Variants in SKP2 observed in about 807,000 individuals in gnomAD.
SKP2 encodes S-phase kinase associated protein 2.
A neutral mutation model predicts 51.8 loss-of-function variants in SKP2; 16 were observed. The ratio of observed to expected loss-of-function variants is 0.31; its 90% CI spans 0.21 to 0.47. The LOEUF (loss-of-function observed/expected upper bound fraction) is 0.47, where lower values mean the gene tolerates loss of function less well. Among genes scored for constraint, SKP2 ranks in the 20% least tolerant of loss-of-function variants. The pLI is 1.00. For missense variants in SKP2, 377 were observed against 505.3 expected, an observed-to-expected ratio of 0.75 and a Z score of 2.43; for synonymous variants, 176 against 198.6, an observed-to-expected ratio of 0.89 and a Z score of 0.96.
downstream of SKP2, among the ~76,000 whole-genome samples, chr5:36,189,116 A>T (rs1032700904): frequency 1.3e-5 from 2 of 152,184 alleles, no homozygotes; most frequent in African/African-American, 4.8e-5. Context: ...TATTCTAGTT[A>T]GCCATTCGTC....
chr5:36,173,207 T>C (rs116030027), intron 7 of SKP2, among the ~76,000 whole-genome samples: 30 of 152,296 alleles, frequency 2.0e-4, no homozygotes, highest in Non-Finnish European at 2.4e-4. Context: ...ATATATGCAG[T>C]TGATCAGAAT....
intron 3 of SKP2, among the ~76,000 whole-genome samples, chr5:36,165,484 A>T (rs1745254527): frequency 6.6e-6 from 1 of 152,236 alleles, no homozygotes; most frequent in Non-Finnish European, 1.5e-5. Context: ...GGAAACATCA[A>T]GCATGAGATT....
At chr5:36,192,765 G>C (rs912270001) in intron 7 of SKP2, 1 of 152,116 alleles carries the variant, frequency 6.6e-6, no homozygotes, top group African/African-American at 2.4e-5. Context: ...GAAGTCAACA[G>C]GGCACAGAAT....
chr5:36,153,696 A>T (rs1382376046), intron 2 of SKP2, among the ~76,000 whole-genome samples: 4 of 152,202 alleles, frequency 2.6e-5, no homozygotes, highest in Middle Eastern at 3.4e-3. Flanking sequence ...TGCCTGAACT[A>T]TTGGAGTGGA....
Position 36,184,209 on chromosome 5 carries a change from TAAAAA to T in SKP2, c.*2184_*2188del, listed in dbSNP as rs201881807. On this transcript the variant is annotated 3_prime_UTR_variant, in exon 10 of 10. Transcript: ENST00000274255. ...CATCTACTTCATATGCTTGTCACATTAAAAAAAAAAGTTTATAATGCCTTTATAAA... is the reference window on the plus strand; with the variant it reads ...CATCTACTTCATATGCTTGTCACATTAAAAAGTTTATAATGCCTTTATAAA... The T allele has an allele frequency of 9.5e-5, 32 of 336,616 alleles. No individual in the cohort carries two copies. The South Asian group carries it at 2.4e-3, about 25-fold the overall frequency. 20.9% of individuals were successfully genotyped at this position (336,616 alleles called of 1,614,324 possible).
Position 36,152,886 on chromosome 5 carries a change from G to C in SKP2, c.124G>C (p.Glu42Gln). ...LLSGMGVSAL[E>Q]KEEPDSENIP... ...GTCAGGCATGGGGGTCTCCGCCCTG[G>C]AGAAAGAGGAGCCCGACAGTGAGAA... The change falls in exon 2 of 10, where the codon GAG becomes CAG. Residue 42 changes from glutamate (E) to glutamine (Q), a missense_variant. Glu to Gln is a conservative substitution (Grantham distance 29). This residue lies in a region of SKP2 where 115 missense variants were observed against 115.5 expected (regional missense o/e 1.00). Transcript: ENST00000274255. 1 of 1,614,128 alleles carries C rather than the reference G, an allele frequency of 6.2e-7. No individual in the cohort carries two copies. Among genetic ancestry groups the C allele is most frequent in the Non-Finnish European group, 8.5e-7 (1 of 1,180,036 alleles).
At chr5:36,173,655 C>CA (rs1579568929) in intron 7 of SKP2, among the ~76,000 whole-genome samples, 4 of 152,118 alleles carry the variant, frequency 2.6e-5, no homozygotes, top group Admixed American at 2.6e-4. Flanking sequence ...CAAGAAAGAA[C>CA]AGAGAGCCTG....
intron 9 of SKP2, among the ~76,000 whole-genome samples, chr5:36,180,731 T>C (rs1745779886): frequency 6.6e-6 from 1 of 152,168 alleles, no homozygotes; most frequent in Non-Finnish European, 1.5e-5. Flanking sequence ...GAAATTGGTA[T>C]ATAGAATAGG....
chr5:36,156,503 T>G (rs558121185), intron 2 of SKP2, among the ~76,000 whole-genome samples: 1 of 152,312 alleles, frequency 6.6e-6, no homozygotes, highest in South Asian at 2.1e-4. Context: ...TCTGGGAAGA[T>G]GAAAGCTCTG....
intron 2 of SKP2, among the ~76,000 whole-genome samples, chr5:36,153,446 T>C (rs563354258): frequency 6.6e-6 from 1 of 152,284 alleles, no homozygotes; most frequent in South Asian, 2.1e-4. Flanking sequence ...TAGTTATTTA[T>C]CAGTGGACTG....
Position 36,168,306 on chromosome 5 carries a change from TG to T in SKP2, c.537-6del. The T allele has an allele frequency of 6.2e-7, 1 of 1,612,882 alleles. No homozygotes were observed. The highest frequency in any genetic ancestry group is 2.2e-5 in the East Asian group (1 of 44,860). ...CTATGGAGCTCCTTTTTTCTCTCCG[TG>T]TTTAGCCCTTTTCGTGTACAGCACA... is the stretch of plus-strand genomic sequence containing the variant. On this transcript the variant is annotated splice_polypyrimidine_tract_variant and splice_region_variant and intron_variant, in intron 4 of 9. Coordinates refer to ENST00000274255, the MANE Select transcript of SKP2 (RefSeq NM_005983.4).
chr5:36,166,708 G>T, intron 4 of SKP2, 46 bp downstream of exon 4: 2 of 1,430,478 alleles, frequency 1.4e-6, no homozygotes, highest in Non-Finnish European at 2.0e-6. Flanking sequence ...AAATTTCGAG[G>T]TAGAAACAGA....
chr5:36,188,193 T>C (rs188909998), downstream of SKP2, among the ~76,000 whole-genome samples: 230 of 152,350 alleles, frequency 1.5e-3, no homozygotes, highest in African/African-American at 5.1e-3. Context: ...AATTTGCCAG[T>C]CCGTGTCTGT....
intron 1 of SKP2, 116 bp from the exon 2 acceptor site, chr5:36,152,655 C>G: frequency 9.2e-7 from 1 of 1,092,430 alleles, no homozygotes; most frequent in South Asian, 1.6e-5. Context: ...AAATGCGATT[C>G]TGTTAGCTGC....
chr5:36,177,313 A>C lies in SKP2; in HGVS notation c.1061+21A>C, dbSNP rs773976667. 7.1e-6 allele frequency: 10 copies of C among 1,402,798 alleles called. No homozygotes were observed. The East Asian group carries it at 2.3e-4, about 32-fold the overall frequency. The allele number at this position is 1,402,798 out of a possible 1,614,324, so 86.9% of individuals were successfully genotyped here. A position where few individuals can be genotyped will look rare whatever the true frequency, so the allele number is the denominator to read the frequency against. On this transcript the variant is annotated intron_variant, in intron 9 of 9. Transcript: ENST00000274255. The stretch of plus-strand genomic sequence containing the variant: ...TTACTGTAAGTATGTTTTGTTTTTA[A>C]TGCTTAATAGAAGGCAGGAAACAAC...
intron 6 of SKP2, among the ~76,000 whole-genome samples, chr5:36,189,663 G>T (rs1745987755): frequency 6.6e-6 from 1 of 152,220 alleles, no homozygotes; most frequent in Non-Finnish European, 1.5e-5. Flanking sequence ...GCTGCTCGGG[G>T]GTCAGGGACC....
intron 2 of SKP2, among the ~76,000 whole-genome samples, chr5:36,161,643 C>G (rs955912239): frequency 1.3e-5 from 2 of 152,278 alleles, no homozygotes; most frequent in Middle Eastern, 3.4e-3. Flanking sequence ...GCCTAAATAC[C>G]TGGGGTGTAC....
At chr5:36,154,620 C>T (rs1744882257) in intron 2 of SKP2, among the ~76,000 whole-genome samples, 1 of 152,194 alleles carries the variant, frequency 6.6e-6, no homozygotes. Context: ...CTGTCTTCAC[C>T]TGGATTCGAA....
At chr5:36,163,314 C>T (rs1745183626) in intron 2 of SKP2, among the ~76,000 whole-genome samples, 1 of 152,110 alleles carries the variant, frequency 6.6e-6, no homozygotes, top group Non-Finnish European at 1.5e-5. Context: ...CCACAGCCTC[C>T]GATTGGCTGG....
Sources: gnomAD v4.1 joint callset for allele counts (sites outside exome capture counted in the v4.1 genomes callset) on GRCh38, gnomAD v4.1.1 for gene constraint, gnomAD v4.1.1 regional missense constraint, MANE v1.5 for transcripts, NCBI Gene and HGNC (gene_info 2026-07-23, HGNC 2026-07-21) for gene names.